Variants in CDS1 observed in about 807,000 individuals in gnomAD.
CDS1 encodes CDP-diacylglycerol synthase 1.
A neutral mutation model predicts 62.1 loss-of-function variants in CDS1; 41 were observed. The ratio of observed to expected loss-of-function variants is 0.66; its 90% CI spans 0.51 to 0.86. The LOEUF (loss-of-function observed/expected upper bound fraction) is 0.86. CDS1 is among the 40% of genes least tolerant of loss of function. CDS1 has a pLI of 0.00. For missense variants in CDS1, 470 were observed against 550.1 expected, an observed-to-expected ratio of 0.85 and a Z score of 1.46; for synonymous variants, 185 against 192.6, an observed-to-expected ratio of 0.96 and a Z score of 0.32.
Position 84,640,864 on chromosome 4 carries a change from G to A in CDS1, c.906G>A (p.Gln302=), listed in dbSNP as rs748830938. 9 of 1,601,558 alleles carry A rather than the reference G, an allele frequency of 5.6e-6. No individual in the cohort carries two copies. The highest frequency in any genetic ancestry group is 1.1e-5 in the South Asian group (1 of 88,940). The change falls in exon 10 of 13, where the codon CAG becomes CAA. Residue 302 remains glutamine (Q), a synonymous_variant. Transcript: ENST00000295887. ...FIAAYVLSKY[Q]YFVCPVEYRS... is the part of the protein sequence containing the mutation. ...CTGCCTATGTGTTATCCAAATACCA[G>A]TACTTTGTCTGCCCAGTGGAATACC...
At chr4:84,594,451 T>C (rs1002635388) in intron 1 of CDS1, among the ~76,000 whole-genome samples, 1 of 152,078 alleles carries the variant, frequency 6.6e-6, no homozygotes, top group African/African-American at 2.4e-5. Context: ...TTTATAGATA[T>C]ACATTTTTTT....
chr4:84,603,145 CG>C (rs1358837384), intron 1 of CDS1, among the ~76,000 whole-genome samples: 1 of 152,078 alleles, frequency 6.6e-6, no homozygotes, highest in African/African-American at 2.4e-5. Flanking sequence ...AGAAACAGTT[CG>C]AAGGGGTGAT....
chr4:84,634,390 T>G (rs992948008), intron 7 of CDS1, among the ~76,000 whole-genome samples: 1 of 152,188 alleles, frequency 6.6e-6, no homozygotes, highest in Non-Finnish European at 1.5e-5. Context: ...GGAGTGGGTT[T>G]CCAGATTGTA....
intron 3 of CDS1, among the ~76,000 whole-genome samples, chr4:84,612,609 TA>T (rs971462767): frequency 1.3e-5 from 2 of 152,220 alleles, no homozygotes; most frequent in East Asian, 3.8e-4. Context: ...TTTTTTTGTT[TA>T]TTTTTTTCTA....
At chr4:84,637,924 A>T (rs556379197) in intron 8 of CDS1, among the ~76,000 whole-genome samples, 1 of 152,304 alleles carries the variant, frequency 6.6e-6, no homozygotes, top group East Asian at 1.9e-4. Flanking sequence ...TCTCTGTGGC[A>T]GAATTGTTAT....
At position 84,640,965 on chromosome 4, in the gene CDS1, C is replaced by T. The variant is rs1310832155; in HGVS notation, c.1007C>T (p.Pro336Leu). 6.3e-7 allele frequency: 1 copy of T among 1,599,622 alleles called. No homozygotes were observed. The highest frequency in any genetic ancestry group is 1.3e-5 in the African/African-American group (1 of 74,342). The change falls in exon 10 of 13, where the codon CCC (proline) becomes CTC (leucine). Residue 336 changes from proline to leucine, a missense_variant. By Grantham distance (98) the Pro-to-Leu change is moderately conservative (BLOSUM62 -3). Transcript: ENST00000295887. ...LFQLQTYSLP[P>L]FLKAVLRQER... ...CAGCTTCAGACTTACTCACTTCCAC[C>T]CTTTCTAAAGGCAGTCTTGAGACAG...
chr4:84,607,966 T>G (rs1387911192), intron 2 of CDS1, among the ~76,000 whole-genome samples: 3 of 152,140 alleles, frequency 2.0e-5, no homozygotes, highest in African/African-American at 7.2e-5. Flanking sequence ...TGCCAACAGT[T>G]TATATGACAT....
At chr4:84,620,865 A>G (rs2148649434) in intron 5 of CDS1, among the ~76,000 whole-genome samples, 1 of 152,112 alleles carries the variant, frequency 6.6e-6, no homozygotes, top group East Asian at 1.9e-4. Flanking sequence ...GTTCGAGACC[A>G]GCCTGACCAA....
In CDS1 at chr4:84,650,215, A is replaced by G. The variant is rs1363641382; in HGVS notation, c.*1529A>G. On this transcript the variant is annotated 3_prime_UTR_variant, in exon 13 of 13. Transcript: ENST00000295887. ...ATGCAGTCAGCCAGCACCTCCTCAC[A>G]TGCACACATGATTAGACATAGGTGC... The G allele has an allele frequency of 2.6e-5, 4 of 152,200 alleles. No homozygotes were observed. Among genetic ancestry groups the G allele is most frequent in the Admixed American group, 2.6e-4 (4 of 15,282 alleles). 9.4% of individuals were successfully genotyped at this position (152,200 alleles called of 1,614,324 possible).
intron 11 of CDS1, among the ~76,000 whole-genome samples, chr4:84,644,697 A>G (rs1057347574): frequency 1.3e-5 from 2 of 152,182 alleles, no homozygotes; most frequent in African/African-American, 2.4e-5. Context: ...TAATGGACTA[A>G]TGTGTCCCAT....
chr4:84,618,504 G>A (rs899717030), intron 4 of CDS1, among the ~76,000 whole-genome samples: 2 of 152,196 alleles, frequency 1.3e-5, no homozygotes, highest in South Asian at 4.1e-4. Context: ...CAAACAAGAG[G>A]TAAAAGATAA....
intron 2 of CDS1, among the ~76,000 whole-genome samples, chr4:84,607,571 CT>C (rs1723168480): frequency 6.6e-6 from 1 of 151,684 alleles, no homozygotes; most frequent in African/African-American, 2.4e-5. Context: ...AATTCTATAC[CT>C]TATGAAGGCA....
intron 7 of CDS1, among the ~76,000 whole-genome samples, chr4:84,634,416 A>G (rs1024690055): frequency 1.3e-5 from 2 of 152,160 alleles, no homozygotes; most frequent in African/African-American, 2.4e-5. Context: ...TAATTGCTCT[A>G]TGGCAGTGGC....
At chr4:84,601,341 C>T (rs1722930707) in intron 1 of CDS1, among the ~76,000 whole-genome samples, 1 of 152,066 alleles carries the variant, frequency 6.6e-6, no homozygotes, top group South Asian at 2.1e-4. Flanking sequence ...GTATCTTCTC[C>T]AAAGAAGGAA....
chr4:84,607,623 T>C (rs1408287051), intron 2 of CDS1, among the ~76,000 whole-genome samples: 1 of 151,564 alleles, frequency 6.6e-6, no homozygotes, highest in Non-Finnish European at 1.5e-5. Context: ...GGGCTGGACA[T>C]GGTGGCTCAC....
chr4:84,586,666 T>G (rs1722433056), intron 1 of CDS1, among the ~76,000 whole-genome samples: 1 of 152,228 alleles, frequency 6.6e-6, no homozygotes, highest in Non-Finnish European at 1.5e-5. Context: ...GGTACTGGTC[T>G]GTGGCCTGGG....
At chr4:84,615,396 A>G (rs1485681411) in intron 3 of CDS1, among the ~76,000 whole-genome samples, 1 of 152,026 alleles carries the variant, frequency 6.6e-6, no homozygotes, top group Non-Finnish European at 1.5e-5. Context: ...ATGTTGCTTC[A>G]ACTCCTCGGT....
chr4:84,645,342 G>A lies in CDS1; in HGVS notation c.1256+17G>A, dbSNP rs751154112. The A allele has an allele frequency of 7.0e-6, 10 of 1,424,200 alleles. No homozygotes were observed. The highest frequency in any genetic ancestry group is 8.9e-6 in the Non-Finnish European group (9 of 1,012,530). The allele number at this position is 1,424,200 out of a possible 1,614,324, so 88.2% of individuals were successfully genotyped here. A position where few individuals can be genotyped will look rare whatever the true frequency, so the allele number is the denominator to read the frequency against. On this transcript the variant is annotated intron_variant, in intron 12 of 12. Coordinates refer to ENST00000295887, the MANE Select transcript of CDS1 (RefSeq NM_001263.4). ...TTTTATAAGGTACTTTTACACTTGA[G>A]ACATTTTTTAGATGATTTCTTTGAG...
At chr4:84,604,917 C>G (rs1723047346) in intron 2 of CDS1, among the ~76,000 whole-genome samples, 1 of 152,132 alleles carries the variant, frequency 6.6e-6, no homozygotes, top group Non-Finnish European at 1.5e-5. Flanking sequence ...GGCACCAGGC[C>G]AGTATTTTCT....
Sources: gnomAD v4.1 joint callset for allele counts (sites outside exome capture counted in the v4.1 genomes callset) on GRCh38, gnomAD v4.1.1 for gene constraint, MANE v1.5 for transcripts, NCBI Gene and HGNC (gene_info 2026-07-23, HGNC 2026-07-21) for gene names.